The following RSRC1 variants were observed in gnomAD, a reference collection of about 807,000 sequenced individuals.
RSRC1 encodes the protein serine/Arginine-related protein 53.
RSRC1 carries 39 observed loss-of-function variants against 49.1 expected under a neutral mutation model. The observed-to-expected ratio is 0.79, with a 90% confidence interval of 0.61 to 1.04. RSRC1 has a LOEUF of 1.04. Ranked by LOEUF, RSRC1 falls within the 50% of genes least tolerant of loss-of-function variation. The pLI, the probability that RSRC1 is intolerant of heterozygous loss-of-function variation, is 0.00. For synonymous variants in RSRC1, 143 were observed against 130.8 expected (o/e 1.09, Z -0.63); for missense variants, 388 against 402.4 (o/e 0.96, Z 0.31).
chr3:158,183,262 A>T (rs1719733668), intron 3 of RSRC1, among the ~76,000 whole-genome samples: 1 of 151,660 alleles, frequency 6.6e-6, no homozygotes, highest in South Asian at 2.1e-4. Flanking sequence ...TATTATTTTT[A>T]AGATAATAGA....
intron 3 of RSRC1, among the ~76,000 whole-genome samples, chr3:158,185,269 A>C (rs968897312): frequency 6.6e-6 from 1 of 151,994 alleles, no homozygotes; most frequent in Non-Finnish European, 1.5e-5. Context: ...GCTAGGTGAG[A>C]AAACAGTTAA....
At chr3:158,400,303 A>G (rs1489274733) in intron 6 of RSRC1, among the ~76,000 whole-genome samples, 2 of 152,186 alleles carry the variant, frequency 1.3e-5, no homozygotes, top group Non-Finnish European at 2.9e-5. Flanking sequence ...GTATATAAAT[A>G]TAGCACATAT....
chr3:158,372,641 G>A (rs755692227), intron 6 of RSRC1, among the ~76,000 whole-genome samples: 4 of 151,652 alleles, frequency 2.6e-5, no homozygotes, highest in East Asian at 3.9e-4. Flanking sequence ...TTTCCATTTC[G>A]ATATACATTT....
At chr3:158,339,259 T>C (rs1455259078) in intron 5 of RSRC1, among the ~76,000 whole-genome samples, 1 of 134,336 alleles carries the variant, frequency 7.4e-6, no homozygotes, top group East Asian at 2.1e-4. Flanking sequence ...GCCACTGCAG[T>C]CCGCAGTCCG....
intron 1 of RSRC1, among the ~76,000 whole-genome samples, chr3:158,113,371 CTT>C (rs34005788): frequency 4.3e-5 from 6 of 138,574 alleles, no homozygotes; most frequent in Non-Finnish European, 3.1e-5. Flanking sequence ...TGTTTTTTGA[CTT>C]TTTTTTTTTT....
intron 3 of RSRC1, among the ~76,000 whole-genome samples, chr3:158,177,535 C>T (rs941305866): frequency 6.6e-6 from 1 of 151,680 alleles, no homozygotes; most frequent in African/African-American, 2.4e-5. Flanking sequence ...AGCAAACTAT[C>T]ACAAGGACAG....
intron 4 of RSRC1, among the ~76,000 whole-genome samples, chr3:158,288,708 T>C (rs777918060): frequency 3.3e-5 from 5 of 152,196 alleles, no homozygotes; most frequent in Non-Finnish European, 7.3e-5. Flanking sequence ...TTATGTATTA[T>C]ATCTAGATTG....
chr3:158,110,383 A>T (rs1315997058), intron 1 of RSRC1, 160 bp downstream of exon 1: 1 of 152,576 alleles, frequency 6.6e-6, no homozygotes, highest in South Asian at 2.1e-4. Context: ...CACCGTGCGC[A>T]TGCGTCCCGC....
At chr3:158,265,735 T>C (rs1725135939) in intron 4 of RSRC1, among the ~76,000 whole-genome samples, 2 of 152,214 alleles carry the variant, frequency 1.3e-5, no homozygotes, top group South Asian at 4.1e-4. Flanking sequence ...AAGCTATTAC[T>C]TTTGATAAAT....
intron 4 of RSRC1, among the ~76,000 whole-genome samples, chr3:158,207,619 G>A (rs1310995930): frequency 1.2e-5 from 1 of 84,006 alleles, no homozygotes; most frequent in Non-Finnish European, 2.5e-5. Flanking sequence ...AACAACCTAT[G>A]TGCAAAAGTA....
intron 6 of RSRC1, among the ~76,000 whole-genome samples, chr3:158,424,689 G>T (rs1295307476): frequency 1.3e-5 from 2 of 151,950 alleles, no homozygotes; most frequent in African/African-American, 2.4e-5. Flanking sequence ...GTAGAATTCG[G>T]CTGTGAATCC....
chr3:158,164,544 T>C (rs151322718), intron 3 of RSRC1, among the ~76,000 whole-genome samples: 7 of 152,142 alleles, frequency 4.6e-5, no homozygotes, highest in African/African-American at 1.7e-4. Context: ...CAGTGTTTTT[T>C]TTCTTTGTTT....
intron 1 of RSRC1, among the ~76,000 whole-genome samples, chr3:158,118,888 G>A (rs762874949): frequency 3.3e-5 from 5 of 152,164 alleles, no homozygotes; most frequent in Non-Finnish European, 5.9e-5. Context: ...TCTTTTCTTA[G>A]GTGTTGTTCA....
chr3:158,135,571 C>T (rs1405805835), intron 3 of RSRC1, among the ~76,000 whole-genome samples: 7 of 152,110 alleles, frequency 4.6e-5, no homozygotes, highest in Middle Eastern at 3.4e-3. Context: ...TGAGCCACTG[C>T]GCCCGGCCTA....
chr3:158,167,878 G>T (rs866596111), intron 3 of RSRC1, among the ~76,000 whole-genome samples: 1 of 152,060 alleles, frequency 6.6e-6, no homozygotes, highest in East Asian at 1.9e-4. Context: ...CTGTTTTTTG[G>T]ATCTGTGGTA....
intron 7 of RSRC1, among the ~76,000 whole-genome samples, chr3:158,534,249 T>C (rs1382740248): frequency 6.6e-6 from 1 of 151,710 alleles, no homozygotes; most frequent in Non-Finnish European, 1.5e-5. Context: ...TGGTCAAAAA[T>C]TGAGACAAAG....
rs971673659 is a variant in RSRC1 at position 158,276,293 on chromosome 3, G to C, written c.495-21746G>C. 7.9e-6 allele frequency: 6 copies of C among 762,292 alleles called. No individual in the cohort carries two copies. In the African/African-American group the frequency reaches 1.0e-4, roughly 13 times the overall value. 47.2% of individuals were successfully genotyped at this position (762,292 alleles called of 1,614,324 possible). A position where few individuals can be genotyped will look rare whatever the true frequency, so the allele number is the denominator to read the frequency against. On this transcript the variant is annotated intron_variant, in intron 4 of 9. Transcript: ENST00000611884. ...CCAGTCTGCACAATTTATCAGGCCA[G>C]ATGGGGTGGGGAGCCCTGTGGAGAG...
chr3:158,239,902 T>C (rs1308049127), intron 4 of RSRC1, among the ~76,000 whole-genome samples: 1 of 152,180 alleles, frequency 6.6e-6, no homozygotes, highest in African/African-American at 2.4e-5. Context: ...AGTTTTACCA[T>C]TTGAATGTTT....
At chr3:158,242,227 A>C (rs974341541) in intron 4 of RSRC1, among the ~76,000 whole-genome samples, 1 of 151,778 alleles carries the variant, frequency 6.6e-6, no homozygotes, top group East Asian at 1.9e-4. Context: ...ACCAGGCCCC[A>C]GTTTGTGTTG....
Sources: gnomAD v4.1 joint callset for allele counts (sites outside exome capture counted in the v4.1 genomes callset) on GRCh38, gnomAD v4.1.1 for gene constraint, MANE v1.5 for transcripts, NCBI Gene and HGNC (gene_info 2026-07-23, HGNC 2026-07-21) for gene names.